CNTNAP2: variants seen among roughly 807,000 people sequenced by gnomAD.
The protein encoded by CNTNAP2 is contactin associated protein 2.
Under a neutral mutation model 155.2 loss-of-function variants are expected in CNTNAP2, and 98 were observed. The ratio of observed to expected loss-of-function variants is 0.63; its 90% CI spans 0.54 to 0.75. The LOEUF is 0.75. CNTNAP2 is among the 30% of genes least tolerant of loss of function. The pLI, the probability that CNTNAP2 is intolerant of heterozygous loss-of-function variation, is 0.00. For missense variants in CNTNAP2, 1,727 were observed against 1,688.1 expected (o/e 1.02, Z -0.40); for synonymous variants, 651 against 631.2 (o/e 1.03, Z -0.47).
chr7:146,725,663 A>G (rs990986643), intron 1 of CNTNAP2, among the ~76,000 whole-genome samples: 1 of 152,036 alleles, frequency 6.6e-6, no homozygotes, highest in African/African-American at 2.4e-5. Flanking sequence ...GCCTTTCCAG[A>G]TGTCTTTTCA....
chr7:147,966,255 T>C (rs1263263990), intron 14 of CNTNAP2, among the ~76,000 whole-genome samples: 4 of 152,148 alleles, frequency 2.6e-5, no homozygotes, highest in Non-Finnish European at 5.9e-5. Flanking sequence ...CCTTTTAAGA[T>C]GGCCAAATCC....
At chr7:148,266,794 C>G (rs1796678185) in intron 20 of CNTNAP2, among the ~76,000 whole-genome samples, 3 of 152,276 alleles carry the variant, frequency 2.0e-5, no homozygotes, top group Admixed American at 1.3e-4. Context: ...AAATGTACAT[C>G]ACCTGGAGAG....
At chr7:148,307,051 G>T (rs1797503137) in intron 21 of CNTNAP2, among the ~76,000 whole-genome samples, 1 of 152,106 alleles carries the variant, frequency 6.6e-6, no homozygotes, top group Non-Finnish European at 1.5e-5. Context: ...CTGCCCTGTT[G>T]CCTGGAGGGT....
At chr7:146,807,766 T>A (rs186304241) in intron 2 of CNTNAP2, among the ~76,000 whole-genome samples, 3 of 152,096 alleles carry the variant, frequency 2.0e-5, no homozygotes, top group Admixed American at 2.0e-4. Context: ...TTTTATCTGA[T>A]TCTAGTTGCT....
chr7:147,664,532 C>A (rs772184462), intron 13 of CNTNAP2, among the ~76,000 whole-genome samples: 1 of 152,064 alleles, frequency 6.6e-6, no homozygotes, highest in Non-Finnish European at 1.5e-5. Context: ...GCCTTTTTTT[C>A]GCCTTCAAAA....
intron 1 of CNTNAP2, among the ~76,000 whole-genome samples, chr7:146,289,740 CT>C (rs1800399203): frequency 6.6e-6 from 1 of 152,064 alleles, no homozygotes; most frequent in Non-Finnish European, 1.5e-5. Context: ...ATCTCTTTTA[CT>C]AAAAAATAAA....
intron 18 of CNTNAP2, chr7:148,190,892 A>G (rs1163710598): frequency 6.6e-6 from 1 of 152,196 alleles, no homozygotes; most frequent in East Asian, 1.9e-4. Context: ...GCAAAAAAAG[A>G]AAAATAGAAG....
At chr7:147,081,129 C>T (rs1396026905) in intron 4 of CNTNAP2, 1 of 152,106 alleles carries the variant, frequency 6.6e-6, no homozygotes, top group African/African-American at 2.4e-5. Context: ...GTGCAATATT[C>T]ACAAAGAAAC....
intron 13 of CNTNAP2, among the ~76,000 whole-genome samples, chr7:147,666,563 CT>C (rs1563044971): frequency 6.6e-6 from 1 of 152,140 alleles, no homozygotes; most frequent in Non-Finnish European, 1.5e-5. Context: ...AGGTGTATTC[CT>C]TGTACTTCTT....
chr7:147,361,210 G>A (rs1357894557), intron 9 of CNTNAP2, among the ~76,000 whole-genome samples: 6 of 152,192 alleles, frequency 3.9e-5, no homozygotes, highest in African/African-American at 1.4e-4. Flanking sequence ...CTTTCCTTTA[G>A]GATGTATGAT....
At chr7:146,449,456 T>A (rs114275030) in intron 1 of CNTNAP2, among the ~76,000 whole-genome samples, 140 of 152,258 alleles carry the variant, frequency 9.2e-4, no homozygotes, top group African/African-American at 2.9e-3. Flanking sequence ...CTGCCATGTA[T>A]CCTCAGGTCC....
intron 1 of CNTNAP2, among the ~76,000 whole-genome samples, chr7:146,125,674 G>A (rs913396366): frequency 3.3e-5 from 5 of 151,716 alleles, no homozygotes; most frequent in Admixed American, 6.6e-5. Flanking sequence ...GTGCCGTGGT[G>A]GGGTATTAAC....
chr7:147,181,575 A>T (rs1802455674), intron 8 of CNTNAP2, among the ~76,000 whole-genome samples: 1 of 152,218 alleles, frequency 6.6e-6, no homozygotes, highest in Admixed American at 6.5e-5. Flanking sequence ...ACTGAGAAAT[A>T]TTCCAACAGA....
chr7:146,512,511 T>C (rs1415358311), intron 1 of CNTNAP2, among the ~76,000 whole-genome samples: 1 of 151,832 alleles, frequency 6.6e-6, no homozygotes. Flanking sequence ...GTTTCTTTTT[T>C]TTTTCAAATT....
At chr7:146,128,778 G>A (rs1168197846) in intron 1 of CNTNAP2, among the ~76,000 whole-genome samples, 3 of 151,950 alleles carry the variant, frequency 2.0e-5, no homozygotes, top group Non-Finnish European at 4.4e-5. Context: ...ATACATTGTT[G>A]TGTTTTGATA....
chr7:147,607,831 A>G (rs1291813011), intron 12 of CNTNAP2, among the ~76,000 whole-genome samples: 1 of 152,242 alleles, frequency 6.6e-6, no homozygotes, highest in African/African-American at 2.4e-5. Context: ...AAATTCCCCA[A>G]CAATAATAAA....
chr7:148,170,003 T>A (rs1024691403), intron 17 of CNTNAP2, among the ~76,000 whole-genome samples: 24 of 152,140 alleles, frequency 1.6e-4, no homozygotes, highest in African/African-American at 5.8e-4. Context: ...AAAAGCAAGT[T>A]TCAAAACAAT....
intron 3 of CNTNAP2, among the ~76,000 whole-genome samples, chr7:146,853,738 A>G (rs1189922913): frequency 6.6e-6 from 1 of 151,980 alleles, no homozygotes; most frequent in Non-Finnish European, 1.5e-5. Flanking sequence ...GAGTTGTCTG[A>G]GGGGTTTATT....
Position 146,365,431 on chromosome 7 carries a change from T to C in CNTNAP2, c.97+248458T>C, listed in dbSNP as rs528973060. Among the ~76,000 whole-genome samples, 48 of 152,308 alleles carry C rather than the reference T, an allele frequency of 3.2e-4. 1 individual carries two copies. The highest frequency in any genetic ancestry group is 1.1e-3 in the African/African-American group (46 of 41,572). ...TGCTCTCCAGGATGGCAAACTCCAATGAACTAAGCACTAAAACACTTATAG... is the reference window on the plus strand; with the variant it reads ...TGCTCTCCAGGATGGCAAACTCCAACGAACTAAGCACTAAAACACTTATAG... On this transcript the variant is annotated intron_variant, in intron 1 of 23. Transcript: ENST00000361727.
Sources: gnomAD v4.1 joint callset for allele counts (sites outside exome capture counted in the v4.1 genomes callset) on GRCh38, gnomAD v4.1.1 for gene constraint, MANE v1.5 for transcripts, NCBI Gene and HGNC (gene_info 2026-07-23, HGNC 2026-07-21) for gene names.